The following ARHGAP8 variants were observed in gnomAD, a reference collection of about 807,000 sequenced individuals.
ARHGAP8 encodes rho GTPase-activating protein 8.
In ARHGAP8, 62 loss-of-function variants were observed where a neutral mutation model predicts 46.1. The observed-to-expected ratio is 1.34, with a 90% CI of 1.10 to 1.66. The LOEUF (loss-of-function observed/expected upper bound fraction) is 1.66. Among genes scored for constraint, ARHGAP8 ranks in the 40% most tolerant of loss-of-function variants. The pLI, the probability that ARHGAP8 is intolerant of heterozygous loss-of-function variation, is 0.00. For synonymous variants in ARHGAP8, 375 were observed against 243.1 expected (o/e 1.54, Z -5.05); for missense variants, 923 against 568.4 (o/e 1.62, Z -6.34).
intron 1 of ARHGAP8, among the ~76,000 whole-genome samples, chr22:44,768,751 A>G (rs76691945): frequency 0.11 from 17,111 of 151,730 alleles, 1,054 homozygotes; most frequent in African/African-American, 0.12. Flanking sequence ...GGAAGGTATG[A>G]CATCAGGTCG....
At position 44,859,725 on chromosome 22, in the gene ARHGAP8, T is replaced by C. The variant is rs1156442461; in HGVS notation, c.878-6T>C. Reference sequence around the variant, plus strand: ...GAGCTCAGCAGGGAGCCCCATGCCCTTCCAGGTGTGGAGAGCAGCCTGCGT... The same window carrying C: ...GAGCTCAGCAGGGAGCCCCATGCCCCTCCAGGTGTGGAGAGCAGCCTGCGT... On this transcript the variant is annotated splice_polypyrimidine_tract_variant and splice_region_variant and intron_variant, in intron 10 of 11. Coordinates refer to ENST00000356099, the MANE Select transcript of ARHGAP8 (RefSeq NM_181335.3). 1.3e-5 allele frequency: 21 copies of C among 1,613,146 alleles called. No individual in the cohort carries two copies. In the Admixed American group the frequency reaches 3.3e-4, roughly 26 times the overall value.
rs528015334 is a variant in ARHGAP8, at chr22:44,806,820, C to T, written c.168-1487C>T. Among the ~76,000 whole-genome samples the T allele has an allele frequency of 1.9e-4, 29 of 152,048 alleles. 1 individual carries two copies. In the East Asian group the frequency reaches 5.4e-3, roughly 28 times the overall value. On this transcript the variant is annotated intron_variant, in intron 3 of 11. Coordinates refer to ENST00000356099, the MANE Select transcript of ARHGAP8 (RefSeq NM_181335.3). Reference sequence around the variant, plus strand: ...ATAATAGTAATTAAAAAAAATTAGCCGGGCGTGGTGGCAGGCGCCTGTAGT... The same window carrying T: ...ATAATAGTAATTAAAAAAAATTAGCTGGGCGTGGTGGCAGGCGCCTGTAGT...
At chr22:44,841,720 C>T (rs1056799796) in intron 7 of ARHGAP8, among the ~76,000 whole-genome samples, 1 of 152,206 alleles carries the variant, frequency 6.6e-6, no homozygotes, top group African/African-American at 2.4e-5. Flanking sequence ...GAAGAAGTAG[C>T]CTCTTGACAT....
At chr22:44,802,740 G>A (rs369160990) in intron 3 of ARHGAP8, among the ~76,000 whole-genome samples, 159 of 152,216 alleles carry the variant, frequency 1.0e-3, no homozygotes, top group African/African-American at 3.7e-3. Context: ...CAGCTCCAGG[G>A]GGCCCCAGAT....
chr22:44,808,413 A>G lies in ARHGAP8; in HGVS notation c.274A>G (p.Ser92Gly), dbSNP rs1450850047. ...CAAGCCTTCCCTGGGCTGGCTCCAG[A>G]GCGCATACAAGGAGTTCGATAGGAA... The part of the protein sequence containing the change: ...RNKPSLGWLQ[S>G]AYKEFDRKYK... The change falls in exon 4 of 12, where the codon AGC (serine) becomes GGC (glycine). Residue 92 changes from serine to glycine, a missense_variant. Physicochemically the swap from Ser to Gly is moderately conservative, Grantham distance 56. Coordinates refer to ENST00000356099, the MANE Select transcript of ARHGAP8 (RefSeq NM_181335.3). 6.2e-7 allele frequency: 1 copy of G among 1,614,226 alleles called. No individual in the cohort carries two copies.
At chr22:44,818,147 G>GA (rs1929880896) in intron 5 of ARHGAP8, among the ~76,000 whole-genome samples, 2 of 150,266 alleles carry the variant, frequency 1.3e-5, no homozygotes, top group South Asian at 4.2e-4. Flanking sequence ...AAGGTTCTTG[G>GA]AAAAAAAGTT....
chr22:44,771,526 T>C (rs6007282), intron 1 of ARHGAP8, among the ~76,000 whole-genome samples: 27,179 of 127,994 alleles, frequency 0.21, 2,621 homozygotes, highest in Middle Eastern at 0.29. Context: ...GGATTACAGG[T>C]GTGAGCCACC....
At chr22:44,821,358 G>C (rs1180610269) in intron 5 of ARHGAP8, among the ~76,000 whole-genome samples, 3 of 151,266 alleles carry the variant, frequency 2.0e-5, no homozygotes. Flanking sequence ...GAACCCAGGA[G>C]GCGGAGCTTG....
At position 44,859,759 on chromosome 22, in the gene ARHGAP8, C is replaced by A. The variant is rs145786855; in HGVS notation, c.906C>A (p.Gly302=). The change falls in exon 11 of 12, where the codon GGC becomes GGA. Residue 302 remains glycine (G), a synonymous_variant. Transcript: ENST00000356099. The part of the protein sequence containing the change: ...TCVESSLRVT[G]CRQILRSLPE... ...TGGAGAGCAGCCTGCGTGTCACTGGCTGCCGCCAGATCTTACGGAGCCTCC... is the reference window on the plus strand; with the variant it reads ...TGGAGAGCAGCCTGCGTGTCACTGGATGCCGCCAGATCTTACGGAGCCTCC... 32 of 1,613,874 alleles carry A rather than the reference C, an allele frequency of 2.0e-5. No individual in the cohort carries two copies. The highest frequency in any genetic ancestry group is 2.6e-5 in the Non-Finnish European group (31 of 1,180,038).
Position 44,800,563 on chromosome 22 carries a change from G to A in ARHGAP8, c.80-1514G>A, listed in dbSNP as rs1247702432. On this transcript the variant is annotated intron_variant, in intron 2 of 11. Coordinates refer to ENST00000356099, the MANE Select transcript of ARHGAP8 (RefSeq NM_181335.3). ...CCGCAGCTGTCCATGTGTGGGGGGC[G>A]CCCCTCCCCGCAGCTGTCCATGTGT... Among the ~76,000 whole-genome samples, 181 of 133,276 alleles carry A rather than the reference G, an allele frequency of 1.4e-3. 4 individuals are homozygous for A. Among genetic ancestry groups the A allele is most frequent in the African/African-American group, 4.5e-3 (152 of 33,576 alleles). The allele number at this position is 133,276 out of a possible 152,430, so 87.4% of individuals were successfully genotyped here. A position where few individuals can be genotyped will look rare whatever the true frequency, so the allele number is the denominator to read the frequency against.
chr22:44,782,332 A>C (rs1306847722), intron 1 of ARHGAP8, among the ~76,000 whole-genome samples: 1 of 152,164 alleles, frequency 6.6e-6, no homozygotes, highest in Admixed American at 6.5e-5. Context: ...GTGAGACTCC[A>C]TCTCAAAAAA....
chr22:44,842,420 T>G (rs1456166136), intron 7 of ARHGAP8, among the ~76,000 whole-genome samples: 2 of 152,192 alleles, frequency 1.3e-5, no homozygotes, highest in African/African-American at 4.8e-5. Flanking sequence ...AGTCATTTCC[T>G]TGGGATGAAT....
At chr22:44,785,308 C>T (rs1316261264) in intron 1 of ARHGAP8, among the ~76,000 whole-genome samples, 4 of 152,210 alleles carry the variant, frequency 2.6e-5, no homozygotes. Context: ...GTGCCACAAC[C>T]TGGCGGCTTA....
At chr22:44,813,693 A>G (rs1929524749) in intron 4 of ARHGAP8, among the ~76,000 whole-genome samples, 1 of 151,456 alleles carries the variant, frequency 6.6e-6, no homozygotes, top group South Asian at 2.1e-4. Context: ...GTATACCTAC[A>G]CATATGTAGG....
chr22:44,825,480 C>G lies in ARHGAP8; in HGVS notation c.486-3C>G, dbSNP rs1426589015. 1 of 1,612,558 alleles carries G rather than the reference C, an allele frequency of 6.2e-7. No individual in the cohort carries two copies. The highest frequency in any genetic ancestry group is 1.1e-5 in the South Asian group (1 of 90,922). On this transcript the variant is annotated splice_polypyrimidine_tract_variant and splice_region_variant and intron_variant, in intron 6 of 11. Coordinates refer to ENST00000356099, the MANE Select transcript of ARHGAP8 (RefSeq NM_181335.3). ...GAGATCCCAGCCTCTGTTGTGTCTACAGGTACGATGAGAAGCTCCAGAGCC... is the reference window on the plus strand; with the variant it reads ...GAGATCCCAGCCTCTGTTGTGTCTAGAGGTACGATGAGAAGCTCCAGAGCC...
chr22:44,811,135 G>A (rs1295067364), intron 4 of ARHGAP8, among the ~76,000 whole-genome samples: 1 of 152,194 alleles, frequency 6.6e-6, no homozygotes, highest in Non-Finnish European at 1.5e-5. Flanking sequence ...TCCCTTTCTC[G>A]AGGGGGCTGC....
At chr22:44,804,788 TC>T (rs535310972) in intron 3 of ARHGAP8, among the ~76,000 whole-genome samples, 65 of 151,752 alleles carry the variant, frequency 4.3e-4, no homozygotes, top group African/African-American at 1.5e-3. Flanking sequence ...TTCATGAGAG[TC>T]CCCCCAATAT....
At chr22:44,837,545 C>T (rs1158281147) in intron 7 of ARHGAP8, among the ~76,000 whole-genome samples, 4 of 152,140 alleles carry the variant, frequency 2.6e-5, no homozygotes, top group African/African-American at 9.7e-5. Flanking sequence ...ACGAGATGAA[C>T]GTGGTGTGAT....
At chr22:44,856,201 A>G (rs1394776756) in intron 10 of ARHGAP8, among the ~76,000 whole-genome samples, 2 of 149,590 alleles carry the variant, frequency 1.3e-5, no homozygotes, top group African/African-American at 5.0e-5. Flanking sequence ...AGGCAACATC[A>G]TCCAACATAT....
Sources: gnomAD v4.1 joint callset for allele counts (sites outside exome capture counted in the v4.1 genomes callset) on GRCh38, gnomAD v4.1.1 for gene constraint, MANE v1.5 for transcripts, NCBI Gene and HGNC (gene_info 2026-07-23, HGNC 2026-07-21) for gene names.